The following NEK9 variants were observed in gnomAD, a reference collection of about 807,000 sequenced individuals.
NEK9 encodes the protein NIMA related kinase 9, also known as serine/threonine-protein kinase Nek9.
Under a neutral mutation model 123.4 loss-of-function variants are expected in NEK9, and 75 were observed. The observed-to-expected ratio is 0.61, with a 90% CI of 0.50 to 0.74. NEK9 has a LOEUF of 0.74. NEK9 is among the 30% of genes least tolerant of loss of function. The pLI is 0.00. For missense variants in NEK9, 952 were observed against 1,214.4 expected (o/e 0.78, Z 3.21); for synonymous variants, 438 against 458.7 (o/e 0.95, Z 0.58).
At chr14:75,123,721 T>TC (rs1341118359) in intron 2 of NEK9, among the ~76,000 whole-genome samples, 1 of 152,154 alleles carries the variant, frequency 6.6e-6, no homozygotes, top group African/African-American at 2.4e-5. Context: ...CTGTATCAAG[T>TC]GCTGCCAAGC....
intron 3 of NEK9, chr14:75,120,915 C>G (rs1196852508): frequency 3.0e-6 from 2 of 662,534 alleles, no homozygotes; most frequent in Non-Finnish European, 5.5e-6. Context: ...CACAGAGAAT[C>G]ATGATGTGGA....
chr14:75,097,411 A>C, intron 16 of NEK9, 141 bp from the exon 17 acceptor site: 1 of 628,480 alleles, frequency 1.6e-6, no homozygotes, highest in Non-Finnish European at 2.5e-6. Context: ...CTCCTATATA[A>C]AGCTTAAACT....
chr14:75,103,784 A>G (rs865913228), intron 14 of NEK9, 58 bp downstream of exon 14: 1 of 1,542,350 alleles, frequency 6.5e-7, no homozygotes, highest in Non-Finnish European at 8.8e-7. Flanking sequence ...CATCTCAAAG[A>G]AATTCCAACC....
At chr14:75,085,409 T>C (rs1210055295) in intron 21 of NEK9, among the ~76,000 whole-genome samples, 1 of 152,262 alleles carries the variant, frequency 6.6e-6, no homozygotes, top group African/African-American at 2.4e-5. Context: ...GAAAACAAAG[T>C]AGCCCAAACA....
Position 75,091,368 on chromosome 14 carries a change from T to C in NEK9, c.2344A>G (p.Met782Val), listed in dbSNP as rs150331692. ...PDPSGGFRGT[M>V]EADRGMEGLI... is the part of the protein sequence containing the mutation. The stretch of plus-strand genomic sequence containing the variant: ...CCTTCCATTCCTCGGTCTGCTTCCA[T>C]TGTTCCTCGGAAGCCTCCACTTGGG... The change falls in exon 19 of 22, where the codon ATG becomes GTG. Residue 782 changes from methionine to valine, a missense_variant. Physicochemically the swap from Met to Val is conservative, Grantham distance 21. Around this residue, in one of 4 missense-constraint regions of NEK9, gnomAD observed 698 missense variants for 875.6 expected, o/e 0.80. Coordinates refer to ENST00000238616, the MANE Select transcript of NEK9 (RefSeq NM_033116.6). 9 of 1,613,966 alleles carry C rather than the reference T, an allele frequency of 5.6e-6. No individual in the cohort carries two copies. The highest frequency in any genetic ancestry group is 1.7e-4 in the Middle Eastern group (1 of 6,044).
chr14:75,093,620 A>AT (rs912408186), intron 18 of NEK9, among the ~76,000 whole-genome samples: 5 of 151,176 alleles, frequency 3.3e-5, no homozygotes, highest in South Asian at 4.2e-4. Context: ...TGCCTGGCTA[A>AT]TTTTTTTTTG....
intron 4 of NEK9, among the ~76,000 whole-genome samples, chr14:75,119,856 T>C (rs2139802997): frequency 6.6e-6 from 1 of 152,374 alleles, no homozygotes; most frequent in East Asian, 1.9e-4. Context: ...CAATATACTT[T>C]GTTACTTTTA....
At chr14:75,087,291 A>C (rs1047951241) in intron 20 of NEK9, 61 bp from the exon 21 acceptor site, 19 of 1,303,820 alleles carry the variant, frequency 1.5e-5, no homozygotes, top group Non-Finnish European at 2.1e-5. Context: ...TCCTCAATCC[A>C]AACTTCCTCT....
chr14:75,126,988 G>A lies in NEK9; in HGVS notation c.-67C>T, dbSNP rs564362858. The A allele has an allele frequency of 1.8e-4, 232 of 1,305,508 alleles. 1 individual carries two copies. The Admixed American group carries it at 2.7e-3, about 15-fold the overall frequency. The allele number at this position is 1,305,508 out of a possible 1,614,324, so 80.9% of individuals were successfully genotyped here. On this transcript the variant is annotated 5_prime_UTR_variant, in exon 1 of 22. Coordinates refer to ENST00000238616, the MANE Select transcript of NEK9 (RefSeq NM_033116.6). ...GGAGGCCCTGGCCGCGCTGCGTCCC[G>A]CTCGCTTCAGATGCCGGCCCGCGGA... is the stretch of plus-strand genomic sequence containing the variant.
At position 75,121,307 on chromosome 14, in the gene NEK9, CT is replaced by C. The variant is rs1895325480; in HGVS notation, c.398-134del. On this transcript the variant is annotated intron_variant, in intron 2 of 21. Coordinates refer to ENST00000238616, the MANE Select transcript of NEK9 (RefSeq NM_033116.6). ...CTCCATAGGCAACTACTTCTTTTGA[CT>C]TTTCACATGGGCACAAAACTCTTCC... is the stretch of plus-strand genomic sequence containing the variant. 6.5e-6 allele frequency: 4 copies of C among 614,206 alleles called. No individual in the cohort carries two copies. In the Admixed American group the frequency reaches 1.2e-4, roughly 19 times the overall value. 38.0% of individuals were successfully genotyped at this position (614,206 alleles called of 1,614,324 possible).
At chr14:75,108,376 T>C (rs890296478) in intron 10 of NEK9, among the ~76,000 whole-genome samples, 5 of 152,004 alleles carry the variant, frequency 3.3e-5, no homozygotes, top group African/African-American at 1.2e-4. Context: ...TCCACTCGCC[T>C]CGGCCTCCCA....
intron 8 of NEK9, 149 bp downstream of exon 8, chr14:75,113,190 C>A (rs928593196): frequency 2.9e-6 from 2 of 686,208 alleles, no homozygotes; most frequent in Admixed American, 2.5e-5. Flanking sequence ...CAGATGCCAC[C>A]CCTAAGCAAT....
Position 75,109,868 on chromosome 14 carries a change from A to G in NEK9, c.999T>C (p.Thr333=). The G allele has an allele frequency of 6.2e-7, 1 of 1,608,520 alleles. No homozygotes were observed. The highest frequency in any genetic ancestry group is 8.5e-7 in the Non-Finnish European group (1 of 1,178,068). ...CTACAGCAATGGGTGCTTCAGTCAC[A>G]GTGCTTGACCTGCCAACAACCCCCA... is the stretch of plus-strand genomic sequence containing the variant. The part of the protein sequence containing the change: ...NAPTKRPRSS[T]VTEAPIAVVT... Residue 333 remains threonine, a synonymous_variant, in exon 10 of 22, where the codon ACT becomes ACC. Transcript: ENST00000238616.
intron 6 of NEK9, among the ~76,000 whole-genome samples, chr14:75,115,454 AG>A (rs1326330931): frequency 6.6e-6 from 1 of 152,178 alleles, no homozygotes; most frequent in Non-Finnish European, 1.5e-5. Flanking sequence ...CATACTATTT[AG>A]GAGAATTAGA....
chr14:75,113,956 G>A lies in NEK9; in HGVS notation c.873+247C>T, dbSNP rs537091387. 1.2e-4 allele frequency among the ~76,000 whole-genome samples: 18 copies of A among 151,800 alleles called. No individual in the cohort carries two copies. In the East Asian group the frequency reaches 2.9e-3, roughly 24 times the overall value. On this transcript the variant is annotated intron_variant, in intron 7 of 21. Coordinates refer to ENST00000238616, the MANE Select transcript of NEK9 (RefSeq NM_033116.6). ...AAATTACTCTTGGTCATAAAAAATCGAGCACAATTTAGATGGGAAATTCAT... is the reference window on the plus strand; with the variant it reads ...AAATTACTCTTGGTCATAAAAAATCAAGCACAATTTAGATGGGAAATTCAT...
chr14:75,120,765 C>T, intron 3 of NEK9, 185 bp from the exon 4 acceptor site: 1 of 584,242 alleles, frequency 1.7e-6, no homozygotes, highest in Non-Finnish European at 3.0e-6. Context: ...CCACAAAAAA[C>T]AGGTTCCTCA....
chr14:75,089,534 T>C (rs1469633406), intron 19 of NEK9, among the ~76,000 whole-genome samples: 1 of 150,274 alleles, frequency 6.7e-6, no homozygotes, highest in Non-Finnish European at 1.5e-5. Context: ...CAGCCTTATT[T>C]ATTTATCTAT....
chr14:75,126,922 G>A lies in NEK9; in HGVS notation c.-1C>T, dbSNP rs1016866456. 12 of 1,462,420 alleles carry A rather than the reference G, an allele frequency of 8.2e-6. No homozygotes were observed. The African/African-American group carries it at 1.8e-4, about 22-fold the overall frequency. The allele number at this position is 1,462,420 out of a possible 1,614,324, so 90.6% of individuals were successfully genotyped here. A position where few individuals can be genotyped will look rare whatever the true frequency, so the allele number is the denominator to read the frequency against. On this transcript the variant is annotated 5_prime_UTR_variant, in exon 1 of 22. Transcript: ENST00000238616. The stretch of plus-strand genomic sequence containing the variant: ...GCTCGTACTCGCCCAGCACCGACAT[G>A]GCGGCGGCCGCGGGCCTTGGGGACC...
chr14:75,119,682 G>A (rs906283742), intron 4 of NEK9, among the ~76,000 whole-genome samples: 5 of 152,168 alleles, frequency 3.3e-5, no homozygotes, highest in African/African-American at 1.2e-4. Context: ...GTTAAGGCAA[G>A]AGAAGAGGCC....
Sources: allele counts gnomAD v4.1 joint callset (sites outside exome capture counted in the v4.1 genomes callset), GRCh38; gene constraint gnomAD v4.1.1; regional missense constraint gnomAD v4.1.1; transcripts MANE v1.5; gene names NCBI Gene and HGNC (gene_info 2026-07-23, HGNC 2026-07-21).